KAZN: variants seen among roughly 807,000 people sequenced by gnomAD.
The protein encoded by KAZN is kazrin.
A neutral mutation model predicts 87.4 loss-of-function variants in KAZN; 40 were observed. The observed-to-expected ratio is 0.46, with a 90% CI of 0.36 to 0.60. The LOEUF is 0.60. Ranked by LOEUF, KAZN falls within the 20% of genes least tolerant of loss-of-function variation. KAZN has a pLI of 0.00. For synonymous variants in KAZN, 466 were observed against 458.3 expected (o/e 1.02, Z -0.22); for missense variants, 898 against 1,073.9 (o/e 0.84, Z 2.29).
intron 2 of KAZN, among the ~76,000 whole-genome samples, chr1:14,533,550 A>G (rs1672324977): frequency 6.6e-6 from 1 of 152,220 alleles, no homozygotes; most frequent in African/African-American, 2.4e-5. Flanking sequence ...TGTGTCGGCA[A>G]CAGGATGGCT....
rs190435681 is a variant in KAZN at position 14,720,618 on chromosome 1, A to G, written c.226+121395A>G. ...TTTTCTTTGCTTAACTTTCTGTGCA[A>G]TCTTCTTTTCCATTTCCCATCTTTG... On this transcript the variant is annotated intron_variant, in intron 1 of 14. Transcript: ENST00000376030. Among the ~76,000 whole-genome samples the G allele has an allele frequency of 2.9e-3, 442 of 152,086 alleles. 2 individuals carry two copies. The highest frequency in any genetic ancestry group is 5.0e-3 in the Non-Finnish European group (342 of 67,986).
intron 2 of KAZN, among the ~76,000 whole-genome samples, chr1:14,471,926 G>A (rs1055634575): frequency 4.6e-5 from 7 of 152,122 alleles, no homozygotes; most frequent in East Asian, 1.9e-4. Flanking sequence ...TCTCTTACCC[G>A]CTGCTATCAC....
intron 2 of KAZN, among the ~76,000 whole-genome samples, chr1:14,505,712 G>A (rs939632679): frequency 7.2e-5 from 11 of 152,172 alleles, no homozygotes; most frequent in African/African-American, 2.7e-4. Flanking sequence ...GGTGGCTCAC[G>A]CCTGTAATCC....
intron 2 of KAZN, among the ~76,000 whole-genome samples, chr1:14,515,448 C>G (rs1671250363): frequency 6.6e-6 from 1 of 152,180 alleles, no homozygotes; most frequent in African/African-American, 2.4e-5. Context: ...GCTGTCAGTC[C>G]CACCGTATGT....
At chr1:14,574,849 C>T (rs12058753) in intron 2 of KAZN, among the ~76,000 whole-genome samples, 12 of 152,106 alleles carry the variant, frequency 7.9e-5, no homozygotes, top group East Asian at 1.9e-4. Context: ...GGTGGAAGGG[C>T]GTCAGGGATG....
chr1:14,739,108 G>T (rs375521906), intron 1 of KAZN, among the ~76,000 whole-genome samples: 7 of 152,294 alleles, frequency 4.6e-5, no homozygotes, highest in African/African-American at 1.7e-4. Context: ...GAGCCCAAGA[G>T]TTGAGGTTGC....
chr1:15,013,924 A>G (rs1282671284), intron 2 of KAZN, among the ~76,000 whole-genome samples: 1 of 152,130 alleles, frequency 6.6e-6, no homozygotes, highest in East Asian at 1.9e-4. Flanking sequence ...GCCCCGTGGC[A>G]TGCTAGAGAA....
At chr1:14,036,344 G>A (rs898265382) in intron 1 of KAZN, among the ~76,000 whole-genome samples, 16 of 152,174 alleles carry the variant, frequency 1.1e-4, no homozygotes, top group African/African-American at 3.1e-4. Context: ...TTCAGGCTTC[G>A]TTTAATTCAG....
chr1:14,779,864 C>T (rs1393005369), intron 1 of KAZN, among the ~76,000 whole-genome samples: 2 of 152,202 alleles, frequency 1.3e-5, no homozygotes, highest in African/African-American at 2.4e-5. Flanking sequence ...AGTTGACTCC[C>T]GTTTAAGAAA....
At chr1:14,139,258 G>C (rs897083301) in intron 1 of KAZN, among the ~76,000 whole-genome samples, 2 of 152,194 alleles carry the variant, frequency 1.3e-5, no homozygotes, top group Admixed American at 6.5e-5. Flanking sequence ...ACTGAAGGGA[G>C]AAGGTAAGCT....
chr1:14,841,430 A>G (rs1295346195), intron 1 of KAZN, among the ~76,000 whole-genome samples: 5 of 107,662 alleles, frequency 4.6e-5, no homozygotes, highest in South Asian at 3.4e-4. Context: ...AAAAAAAAAA[A>G]AAAAAAAAAA....
intron 1 of KAZN, among the ~76,000 whole-genome samples, chr1:14,915,903 G>A (rs896932600): frequency 6.6e-6 from 1 of 152,186 alleles, no homozygotes; most frequent in Non-Finnish European, 1.5e-5. Flanking sequence ...TCATGGCTAT[G>A]AGTATGGACC....
At chr1:14,419,101 GTT>G (rs1246755032) in intron 2 of KAZN, among the ~76,000 whole-genome samples, 1 of 152,172 alleles carries the variant, frequency 6.6e-6, no homozygotes, top group Non-Finnish European at 1.5e-5. Flanking sequence ...AATAGAAAAA[GTT>G]TATCTCTTGG....
At chr1:14,713,606 G>T (rs1318274322) in intron 1 of KAZN, among the ~76,000 whole-genome samples, 1 of 151,870 alleles carries the variant, frequency 6.6e-6, no homozygotes, top group Non-Finnish European at 1.5e-5. Context: ...TACAGAGGAC[G>T]GCCCTCACAG....
intron 1 of KAZN, among the ~76,000 whole-genome samples, chr1:14,158,788 T>G (rs1570900935): frequency 6.6e-6 from 1 of 152,320 alleles, no homozygotes; most frequent in South Asian, 2.1e-4. Flanking sequence ...GACTTAGGTG[T>G]TATGATCTAA....
intron 2 of KAZN, among the ~76,000 whole-genome samples, chr1:14,429,838 C>G (rs1181829902): frequency 6.6e-6 from 1 of 152,152 alleles, no homozygotes; most frequent in South Asian, 2.1e-4. Flanking sequence ...GGGAGGTGAA[C>G]TGACTTCCCA....
chr1:14,856,020 G>A lies in KAZN; in HGVS notation c.227-104664G>A, dbSNP rs916861154. On this transcript the variant is annotated intron_variant, in intron 1 of 14. Transcript: ENST00000376030. The surrounding 1 kb of genome is among the most constrained non-coding windows in gnomAD (Gnocchi z 5.2). ...ATTTACTACTTATGTTACTGACAAG[G>A]AGCACATTAGTAATTGGAATGTGAC... 8.5e-5 allele frequency among the ~76,000 whole-genome samples: 13 copies of A among 152,276 alleles called. No homozygotes were observed. The highest frequency in any genetic ancestry group is 3.3e-4 in the Admixed American group (5 of 15,304).
At chr1:14,311,286 T>C (rs1655275024) in intron 2 of KAZN, among the ~76,000 whole-genome samples, 1 of 152,214 alleles carries the variant, frequency 6.6e-6, no homozygotes, top group African/African-American at 2.4e-5. Context: ...CCTGACCTCT[T>C]TATGTCTTGG....
At chr1:14,997,991 G>A (rs1351248928) in intron 2 of KAZN, among the ~76,000 whole-genome samples, 27 of 152,204 alleles carry the variant, frequency 1.8e-4, no homozygotes, top group Non-Finnish European at 1.9e-4. Flanking sequence ...CACTCAACGA[G>A]TCACTGTCGT....
Sources: allele counts gnomAD v4.1 joint callset (sites outside exome capture counted in the v4.1 genomes callset), GRCh38; gene constraint gnomAD v4.1.1; non-coding constraint Gnocchi (gnomAD v3.1); transcripts MANE v1.5; gene names NCBI Gene and HGNC (gene_info 2026-07-23, HGNC 2026-07-21).